The following ZNF487 variants were observed in gnomAD, a reference collection of about 807,000 sequenced individuals.
The protein encoded by ZNF487 is KRAB domain only 1.
In ZNF487, 4 loss-of-function variants were observed where a neutral mutation model predicts 3.0. The ratio of observed to expected loss-of-function variants is 1.35; its 90% CI spans 0.66 to 3.08. ZNF487 has a LOEUF of 3.08. Ranked by LOEUF, ZNF487 falls within the 30% of genes most tolerant of loss-of-function variation. ZNF487 has a pLI of 0.01. For missense variants in ZNF487, 146 were observed against 98.7 expected (o/e 1.48, Z -2.03); for synonymous variants, 55 against 34.6 (o/e 1.59, Z -2.06).
chr10:43,460,985 C>T lies in ZNF487; in HGVS notation c.-93-14736C>T, dbSNP rs572753881. Among the ~76,000 whole-genome samples the T allele has an allele frequency of 2.6e-5, 4 of 151,648 alleles. No individual in the cohort carries two copies. In the South Asian group the frequency reaches 8.4e-4, roughly 32 times the overall value. On this transcript the variant is annotated intron_variant, in intron 1 of 3. Transcript: ENST00000437590. ...CTGGGATAACAGGCGTGAGCTATCA[C>T]ACCCGGCCTCTTCTAATATCTTAAT...
chr10:43,465,001 AC>A (rs1215288762), intron 1 of ZNF487, among the ~76,000 whole-genome samples: 3 of 119,610 alleles, frequency 2.5e-5, no homozygotes, highest in South Asian at 2.7e-4. Context: ...GCGGGGGCTG[AC>A]CCCCCCACCT....
chr10:43,438,440 C>T (rs920900439), intron 1 of ZNF487, among the ~76,000 whole-genome samples: 13 of 152,188 alleles, frequency 8.5e-5, no homozygotes, highest in African/African-American at 3.1e-4. Flanking sequence ...CCTGCCTCAG[C>T]CCCCCAAAGT....
In ZNF487 at chr10:43,481,589, A is replaced by G. The variant is rs1487701165; in HGVS notation, c.291A>G (p.Lys97=). 2.9e-6 allele frequency: 2 copies of G among 698,746 alleles called. No individual in the cohort carries two copies. Among genetic ancestry groups the G allele is most frequent in the Non-Finnish European group, 5.3e-6 (2 of 378,690 alleles). The allele number at this position is 698,746 out of a possible 1,614,324, so 43.3% of individuals were successfully genotyped here. A position where few individuals can be genotyped will look rare whatever the true frequency, so the allele number is the denominator to read the frequency against. The part of the protein sequence containing the change: ...SLDTNPILSR[K]IRGNCDSSGM... ...ACACAAACCCCATTCTATCAAGAAAAATACGTGGCAACTGTGACTCATCTG... is the reference window on the plus strand; with the variant it reads ...ACACAAACCCCATTCTATCAAGAAAGATACGTGGCAACTGTGACTCATCTG... The change falls in exon 4 of 4, where the codon AAA becomes AAG. Residue 97 remains lysine (K), a synonymous_variant. Transcript: ENST00000437590.
chr10:43,511,797 G>T, the ZNF487 span, among the ~76,000 whole-genome samples: 5 of 152,128 alleles, frequency 3.3e-5, no homozygotes, highest in Admixed American at 3.3e-4. Context: ...CTATCCACTT[G>T]ATTATTAAAA....
At chr10:43,447,112 A>G (rs1473591770) in intron 1 of ZNF487, among the ~76,000 whole-genome samples, 2 of 151,708 alleles carry the variant, frequency 1.3e-5, no homozygotes, top group African/African-American at 4.8e-5. Context: ...TCAGGCAGGG[A>G]GGTTGCAGTG....
intron 1 of ZNF487, among the ~76,000 whole-genome samples, chr10:43,443,366 G>GTTTTTT (rs1326797006): frequency 1.4e-5 from 2 of 144,814 alleles, no homozygotes; most frequent in East Asian, 2.1e-4. Flanking sequence ...GCTGGGCCTA[G>GTTTTTT]TTTTTGTTTT....
chr10:43,502,987 A>G, the ZNF487 span, among the ~76,000 whole-genome samples: 3 of 146,028 alleles, frequency 2.1e-5, no homozygotes, highest in South Asian at 6.7e-4. Flanking sequence ...CTGTGATTGT[A>G]GCACTGCACT....
intron 1 of ZNF487, among the ~76,000 whole-genome samples, chr10:43,444,499 C>A (rs58723653): frequency 0.13 from 19,605 of 152,072 alleles, 2,715 homozygotes; most frequent in African/African-American, 0.35. Flanking sequence ...TTTTTGTTGC[C>A]GGGCGTGGTG....
chr10:43,495,531 A>C, the ZNF487 span, among the ~76,000 whole-genome samples: 1 of 152,134 alleles, frequency 6.6e-6, no homozygotes, highest in Non-Finnish European at 1.5e-5. Flanking sequence ...GGTGTGAGCC[A>C]CCGCACCCAG....
chr10:43,517,752 G>A, the ZNF487 span, among the ~76,000 whole-genome samples: 2 of 152,296 alleles, frequency 1.3e-5, no homozygotes, highest in South Asian at 4.1e-4. Context: ...GTAGGATGGA[G>A]CCACACCCGA....
intron 3 of ZNF487, among the ~76,000 whole-genome samples, chr10:43,479,189 C>G (rs1841220840): frequency 6.7e-6 from 1 of 150,182 alleles, no homozygotes; most frequent in Non-Finnish European, 1.5e-5. Context: ...GTCTTGAACT[C>G]CTGACCTTAA....
chr10:43,455,816 C>T (rs1016472861), intron 1 of ZNF487, among the ~76,000 whole-genome samples: 2 of 152,254 alleles, frequency 1.3e-5, no homozygotes, highest in Non-Finnish European at 2.9e-5. Context: ...CCGGCCTTAG[C>T]GGCGTTTGCT....
downstream of ZNF487, among the ~76,000 whole-genome samples, chr10:43,483,896 G>T (rs1841445993): frequency 6.6e-6 from 1 of 152,010 alleles, no homozygotes; most frequent in South Asian, 2.1e-4. Flanking sequence ...CTGTTGCCAA[G>T]GCTGGAGTGC....
the ZNF487 span, among the ~76,000 whole-genome samples, chr10:43,507,685 C>T: frequency 2.6e-5 from 4 of 152,166 alleles, no homozygotes; most frequent in African/African-American, 9.7e-5. Flanking sequence ...CTTGTAATGG[C>T]ACAGCTTGTT....
chr10:43,506,198 C>T, the ZNF487 span, among the ~76,000 whole-genome samples: 15 of 152,216 alleles, frequency 9.9e-5, no homozygotes, highest in South Asian at 2.5e-3. Context: ...GTCCCTGAGC[C>T]GAAAAACCTT....
intron 1 of ZNF487, among the ~76,000 whole-genome samples, chr10:43,462,432 G>A (rs1303232123): frequency 2.7e-5 from 4 of 149,540 alleles, no homozygotes; most frequent in Non-Finnish European, 5.9e-5. Flanking sequence ...GTGGAAACCC[G>A]GCATTGAGCA....
chr10:43,455,458 G>GGTTC (rs1402633557), intron 1 of ZNF487, among the ~76,000 whole-genome samples: 1 of 152,250 alleles, frequency 6.6e-6, no homozygotes, highest in East Asian at 1.9e-4. Flanking sequence ...CTGCGCCGTG[G>GGTTC]GTTCGCTCGC....
chr10:43,466,128 G>A (rs1202080616), intron 1 of ZNF487, among the ~76,000 whole-genome samples: 5 of 150,128 alleles, frequency 3.3e-5, no homozygotes, highest in Non-Finnish European at 7.4e-5. Context: ...AGTGAGCCGA[G>A]ATGGCAGCAG....
At chr10:43,505,035 G>A in the ZNF487 span, among the ~76,000 whole-genome samples, 2 of 151,294 alleles carry the variant, frequency 1.3e-5, no homozygotes, top group Admixed American at 1.3e-4. Context: ...AAGAGATGGA[G>A]TATTGCTGTG....
Sources: gnomAD v4.1 joint callset for allele counts (sites outside exome capture counted in the v4.1 genomes callset) on GRCh38, gnomAD v4.1.1 for gene constraint, MANE v1.5 for transcripts, NCBI Gene and HGNC (gene_info 2026-07-23, HGNC 2026-07-21) for gene names.